UBR3: variants seen among roughly 807,000 people sequenced by gnomAD.
The protein encoded by UBR3 is E3 ubiquitin-protein ligase UBR3.
UBR3 carries 85 observed loss-of-function variants against 243.2 expected under a neutral mutation model. The observed-to-expected ratio is 0.35, with a 90% CI of 0.29 to 0.42. The LOEUF is 0.42. Among genes scored for constraint, UBR3 ranks in the 10% least tolerant of loss-of-function variants. The pLI is 1.00. For synonymous variants in UBR3, 748 were observed against 799.8 expected (o/e 0.94, Z 1.09); for missense variants, 1,686 against 2,300.8 (o/e 0.73, Z 5.47).
In UBR3 at chr2:169,928,854, T is replaced by A; in HGVS notation, c.2552T>A (p.Met851Lys). 6.8e-7 allele frequency: 1 copy of A among 1,475,910 alleles called. No homozygotes were observed. The highest frequency in any genetic ancestry group is 9.1e-7 in the Non-Finnish European group (1 of 1,095,392). The allele number at this position is 1,475,910 out of a possible 1,614,324, so 91.4% of individuals were successfully genotyped here. The change falls in exon 18 of 39, where the codon ATG (methionine) becomes AAG (lysine). Residue 851 changes from methionine (M) to lysine (K), a missense_variant. By Grantham distance (95) the Met-to-Lys change is moderately conservative. Transcript: ENST00000272793. ...FEPGGSMQQGMYTPKAEVWDQ... is the reference protein window; with the variant it reads ...FEPGGSMQQGKYTPKAEVWDQ... ...CCTGGAGGTTCTATGCAACAAGGCA[T>A]GTATACTCCCAAAGGTATGTTTATA...
At chr2:169,891,259 C>CT in intron 6 of UBR3, 28 bp downstream of exon 6, 1 of 1,516,292 alleles carries the variant, frequency 6.6e-7, no homozygotes, top group East Asian at 2.5e-5. Context: ...TATTTTTTTC[C>CT]TTGAATAAAA....
At chr2:169,979,121 G>C (rs976581693) in intron 24 of UBR3, among the ~76,000 whole-genome samples, 1 of 152,198 alleles carries the variant, frequency 6.6e-6, no homozygotes. Context: ...ACCTTACAAA[G>C]AAGATGCAAG....
At chr2:169,975,516 G>A (rs940206264) in intron 24 of UBR3, among the ~76,000 whole-genome samples, 8 of 152,182 alleles carry the variant, frequency 5.3e-5, no homozygotes, top group Non-Finnish European at 8.8e-5. Context: ...TTGATTTTCT[G>A]TTTAGATGAT....
At chr2:170,039,816 G>A (rs184506164) in intron 31 of UBR3, among the ~76,000 whole-genome samples, 6 of 152,188 alleles carry the variant, frequency 3.9e-5, no homozygotes, top group Admixed American at 2.6e-4. Flanking sequence ...TTTAGAATAA[G>A]CTCTGCTTTA....
chr2:170,025,898 A>G (rs2090516514), intron 30 of UBR3, among the ~76,000 whole-genome samples: 1 of 152,152 alleles, frequency 6.6e-6, no homozygotes, highest in Non-Finnish European at 1.5e-5. Context: ...AGGAATTTTA[A>G]AAGGAAATTA....
chr2:170,054,559 G>A (rs1251212550), intron 32 of UBR3, among the ~76,000 whole-genome samples: 2 of 151,918 alleles, frequency 1.3e-5, no homozygotes, highest in Non-Finnish European at 2.9e-5. Context: ...TGGGATTACA[G>A]GCGTGAGCCA....
chr2:169,989,727 G>C (rs1306210432), intron 25 of UBR3, among the ~76,000 whole-genome samples: 1 of 151,996 alleles, frequency 6.6e-6, no homozygotes, highest in African/African-American at 2.4e-5. Flanking sequence ...TGAGATAGTG[G>C]GGTTTAAAAA....
chr2:169,932,560 T>C (rs2086175208), intron 18 of UBR3, among the ~76,000 whole-genome samples: 1 of 152,196 alleles, frequency 6.6e-6, no homozygotes, highest in African/African-American at 2.4e-5. Context: ...CATCATGCCC[T>C]GCTTAACTTT....
At chr2:170,071,696 CAT>C (rs2091701170) in intron 35 of UBR3, among the ~76,000 whole-genome samples, 1 of 152,134 alleles carries the variant, frequency 6.6e-6, no homozygotes, top group African/African-American at 2.4e-5. Context: ...TGAAAATTAA[CAT>C]GTTTCTCAGC....
intron 18 of UBR3, among the ~76,000 whole-genome samples, chr2:169,931,267 C>T (rs1475094988): frequency 2.1e-5 from 3 of 139,602 alleles, no homozygotes; most frequent in Middle Eastern, 3.7e-3. Context: ...AGGAGAATGG[C>T]GTGAACCTGG....
intron 1 of UBR3, among the ~76,000 whole-genome samples, chr2:169,857,844 T>A (rs2082944211): frequency 6.6e-6 from 1 of 152,148 alleles, no homozygotes; most frequent in Non-Finnish European, 1.5e-5. Context: ...TGAGCTAAAG[T>A]GATCCTCAGA....
intron 30 of UBR3, among the ~76,000 whole-genome samples, chr2:170,018,293 T>C (rs563049607): frequency 8.5e-5 from 13 of 152,328 alleles, no homozygotes; most frequent in African/African-American, 3.1e-4. Flanking sequence ...TTTTTGCAAG[T>C]ACTGAGTCCT....
intron 1 of UBR3, among the ~76,000 whole-genome samples, chr2:169,850,412 CA>C (rs2082618259): frequency 6.6e-6 from 1 of 152,136 alleles, no homozygotes; most frequent in Non-Finnish European, 1.5e-5. Context: ...CTCCTTGAGT[CA>C]AGGGATCCTC....
At chr2:169,863,879 T>C (rs1243369892) in intron 1 of UBR3, among the ~76,000 whole-genome samples, 1 of 152,148 alleles carries the variant, frequency 6.6e-6, no homozygotes, top group African/African-American at 2.4e-5. Context: ...ATAGCAAACT[T>C]TCTCCCTTAT....
chr2:169,886,297 T>C (rs2084097229), intron 5 of UBR3, among the ~76,000 whole-genome samples: 1 of 152,172 alleles, frequency 6.6e-6, no homozygotes, highest in South Asian at 2.1e-4. Flanking sequence ...AAATATTTAA[T>C]GTATTTCTTT....
intron 30 of UBR3, among the ~76,000 whole-genome samples, chr2:170,018,950 C>G (rs2090318057): frequency 6.6e-6 from 1 of 152,132 alleles, no homozygotes; most frequent in African/African-American, 2.4e-5. Flanking sequence ...GTGTATTTCT[C>G]AAGTAGAAAT....
At chr2:170,046,011 G>C (rs1315273220) in intron 32 of UBR3, among the ~76,000 whole-genome samples, 1 of 148,416 alleles carries the variant, frequency 6.7e-6, no homozygotes, top group Non-Finnish European at 1.5e-5. Flanking sequence ...CTCTCGCCTA[G>C]GCTGGAATGC....
intron 4 of UBR3, 90 bp downstream of exon 4, chr2:169,877,727 T>A (rs1256305030): frequency 1.1e-5 from 15 of 1,312,336 alleles, no homozygotes; most frequent in East Asian, 7.9e-5. Context: ...TTGAAAAAAA[T>A]TATTTTGAAC....
At chr2:170,007,927 GTGTA>G (rs947889656) in intron 28 of UBR3, among the ~76,000 whole-genome samples, 3 of 152,102 alleles carry the variant, frequency 2.0e-5, no homozygotes, top group Admixed American at 6.5e-5. Flanking sequence ...GTGTGTGTGT[GTGTA>G]TGTATCTCAA....
Sources: allele counts gnomAD v4.1 joint callset (sites outside exome capture counted in the v4.1 genomes callset), GRCh38; gene constraint gnomAD v4.1.1; transcripts MANE v1.5; gene names NCBI Gene and HGNC (gene_info 2026-07-23, HGNC 2026-07-21).